ISM2: variants seen among roughly 807,000 people sequenced by gnomAD.
ISM2 encodes isthmin-2.
ISM2 carries 50 observed loss-of-function variants against 58.0 expected under a neutral mutation model. The observed-to-expected ratio is 0.86, with a 90% confidence interval of 0.69 to 1.09. ISM2 has a LOEUF of 1.09. Among genes scored for constraint, ISM2 ranks in the 50% least tolerant of loss-of-function variants. The pLI, the probability that ISM2 is intolerant of heterozygous loss-of-function variation, is 0.00. For synonymous variants in ISM2, 303 were observed against 312.4 expected (o/e 0.97, Z 0.32); for missense variants, 723 against 745.0 (o/e 0.97, Z 0.34).
chr14:77,486,766 C>T (rs2079170571), intron 1 of ISM2, among the ~76,000 whole-genome samples: 1 of 151,766 alleles, frequency 6.6e-6, no homozygotes, highest in African/African-American at 2.4e-5. Context: ...AGTGGTTATG[C>T]AGTGGTTCTC....
chr14:77,495,104 G>A (rs1030259632), intron 1 of ISM2, among the ~76,000 whole-genome samples: 2 of 151,918 alleles, frequency 1.3e-5, no homozygotes, highest in Admixed American at 1.3e-4. Context: ...TGCTCAGGCT[G>A]GTCTTGAACT....
rs1403020366 is a variant in ISM2 at position 77,498,742 on chromosome 14, CCAG to C, written c.49_51del (p.Leu17del). The C allele has an allele frequency of 2.0e-6, 3 of 1,481,832 alleles. No individual in the cohort carries two copies. The highest frequency in any genetic ancestry group is 2.3e-5 in the Admixed American group (1 of 42,864). The allele number at this position is 1,481,832 out of a possible 1,614,324, so 91.8% of individuals were successfully genotyped here. ...CCTAGCGCCGCCTCCAGCAGCGCCG[CCAG>C]CAGCAGCACGCAGAGGAGGAGCCCG... is the stretch of plus-strand genomic sequence containing the variant. On this transcript the variant is annotated inframe_deletion, in exon 1 of 7. Transcript: ENST00000342219.
chr14:77,496,424 G>C (rs1177581149), intron 1 of ISM2, among the ~76,000 whole-genome samples: 2 of 151,672 alleles, frequency 1.3e-5, no homozygotes, highest in Non-Finnish European at 2.9e-5. Context: ...GGAGGCGGAG[G>C]TTGTGGTGAG....
At chr14:77,484,142 G>A (rs1029394594) in intron 3 of ISM2, 181 bp downstream of exon 3, 4 of 719,852 alleles carry the variant, frequency 5.6e-6, no homozygotes, top group Non-Finnish European at 6.8e-6. Context: ...CAGCTAGAAA[G>A]TAGAGGGGCA....
At chr14:77,476,841 C>A (rs2079101534) in intron 6 of ISM2, among the ~76,000 whole-genome samples, 1 of 152,184 alleles carries the variant, frequency 6.6e-6, no homozygotes, top group African/African-American at 2.4e-5. Flanking sequence ...AGCTCAAGAC[C>A]AGCCTGGCCA....
At chr14:77,485,655 G>C (rs1008310274) in intron 1 of ISM2, among the ~76,000 whole-genome samples, 1 of 152,258 alleles carries the variant, frequency 6.6e-6, no homozygotes, top group African/African-American at 2.4e-5. Flanking sequence ...GGGGCTCAGT[G>C]GCTGCCACCT....
intron 4 of ISM2, among the ~76,000 whole-genome samples, chr14:77,480,391 A>G (rs2079124256): frequency 6.6e-6 from 1 of 151,880 alleles, no homozygotes; most frequent in South Asian, 2.1e-4. Flanking sequence ...GGCTGGGCCC[A>G]AATCCTCAGG....
intron 1 of ISM2, among the ~76,000 whole-genome samples, chr14:77,495,065 T>G (rs1237400128): frequency 2.6e-5 from 4 of 151,924 alleles, no homozygotes; most frequent in Non-Finnish European, 4.4e-5. Context: ...TTGTATTTTT[T>G]GGGGGGTAGA....
At chr14:77,498,335 G>A (rs2079260890) in intron 1 of ISM2, 1 of 1,402,844 alleles carries the variant, frequency 7.1e-7, no homozygotes, top group African/African-American at 1.4e-5. Flanking sequence ...GGGGCTGCAG[G>A]CGAGGTCCGC....
At chr14:77,490,206 C>G (rs2079194242) in intron 1 of ISM2, among the ~76,000 whole-genome samples, 1 of 151,730 alleles carries the variant, frequency 6.6e-6, no homozygotes, top group African/African-American at 2.4e-5. Context: ...ACCATGTTAG[C>G]CAGGATGGTC....
In ISM2 at chr14:77,484,919, C is replaced by A; in HGVS notation, c.142G>T (p.Val48Phe). 1 of 1,541,538 alleles carries A rather than the reference C, an allele frequency of 6.5e-7. No individual in the cohort carries two copies. The highest frequency in any genetic ancestry group is 8.7e-7 in the Non-Finnish European group (1 of 1,146,144). The change falls in exon 2 of 7, where the codon GTC becomes TTC. Residue 48 changes from valine (V) to phenylalanine (F), a missense_variant and splice_region_variant. Transcript: ENST00000342219. ...GGCCTAGGATCTGGGGAGGCTGAGA[C>A]CTGAGGGAGAGAGAAGGAAGGTAAG... ...RPGSLTRLAE[V>F]SASPDPRPLK...
intron 1 of ISM2, among the ~76,000 whole-genome samples, chr14:77,492,056 A>G (rs1309795912): frequency 1.3e-5 from 2 of 149,942 alleles, no homozygotes; most frequent in African/African-American, 4.9e-5. Flanking sequence ...GCTGGAGTGC[A>G]CTGGTGCAAT....
intron 1 of ISM2, among the ~76,000 whole-genome samples, chr14:77,496,423 G>A (rs2079240870): frequency 6.6e-6 from 1 of 151,820 alleles, no homozygotes; most frequent in East Asian, 1.9e-4. Context: ...AGGAGGCGGA[G>A]GTTGTGGTGA....
intron 4 of ISM2, among the ~76,000 whole-genome samples, chr14:77,480,302 CAAAA>C (rs34339320): frequency 1.7e-4 from 21 of 123,470 alleles, no homozygotes; most frequent in Non-Finnish European, 1.5e-4. Context: ...GACACTGTCT[CAAAA>C]AAAAAAAAAA....
In ISM2 at chr14:77,476,037, TC is replaced by T; in HGVS notation, c.1273del (p.Asp425ThrfsTer18). 1 of 1,560,104 alleles carries T rather than the reference TC, an allele frequency of 6.4e-7. No individual in the cohort carries two copies. Among genetic ancestry groups the T allele is most frequent in the Non-Finnish European group, 8.6e-7 (1 of 1,156,884 alleles). On this transcript the variant is annotated frameshift_variant, in exon 7 of 7. Coordinates refer to ENST00000342219, the MANE Select transcript of ISM2 (RefSeq NM_199296.3). LOFTEE classifies it high-confidence loss of function. ...LIKYLSQMLR[D>X]LPSCPCAYPL... ...GTAGGCACACGGGCAGCTGGGCAGG[TC>T]CCGCAGCATCTGGCTCAGATACTTG...
At chr14:77,484,149 G>T in intron 3 of ISM2, 174 bp downstream of exon 3, 1 of 760,566 alleles carries the variant, frequency 1.3e-6, no homozygotes. Flanking sequence ...AAAGTAGAGG[G>T]GCAGGTCCTC....
intron 1 of ISM2, among the ~76,000 whole-genome samples, chr14:77,485,739 G>C (rs1443917318): frequency 6.6e-6 from 1 of 152,208 alleles, no homozygotes; most frequent in Non-Finnish European, 1.5e-5. Flanking sequence ...TGCCTTATGA[G>C]TCTCCGGGAC....
chr14:77,481,300 A>G (rs1311844611), intron 4 of ISM2, among the ~76,000 whole-genome samples: 1 of 151,924 alleles, frequency 6.6e-6, no homozygotes, highest in African/African-American at 2.4e-5. Context: ...AGATTGTGCC[A>G]CTGCACTCCA....
intron 1 of ISM2, chr14:77,498,451 C>CATCGTCTCGGTTCCGA: frequency 8.5e-7 from 1 of 1,179,376 alleles, no homozygotes; most frequent in Non-Finnish European, 1.2e-6. Flanking sequence ...CGCGGTCACG[C>CATCGTCTCGGTTCCGA]GCGAGGAGTG....
Sources: allele counts gnomAD v4.1 joint callset (sites outside exome capture counted in the v4.1 genomes callset), GRCh38; gene constraint gnomAD v4.1.1; transcripts MANE v1.5; gene names NCBI Gene and HGNC (gene_info 2026-07-23, HGNC 2026-07-21).